The following GBX2 variants were observed in gnomAD, a reference collection of about 807,000 sequenced individuals.
GBX2 encodes the protein gastrulation brain homeobox 2, also known as homeobox protein GBX-2.
Under a neutral mutation model 22.4 loss-of-function variants are expected in GBX2, and 5 were observed. The ratio of observed to expected loss-of-function variants is 0.22; its 90% CI spans 0.12 to 0.47. The LOEUF is 0.47. Ranked by LOEUF, GBX2 falls within the 20% of genes least tolerant of loss-of-function variation. GBX2 has a pLI of 0.99. For missense variants in GBX2, 470 were observed against 495.4 expected (o/e 0.95, Z 0.49); for synonymous variants, 220 against 230.5 (o/e 0.95, Z 0.41).
rs186032626 is a variant in GBX2, at chr2:236,166,845, G to A, written c.524-408C>T. Among the ~76,000 whole-genome samples the A allele has an allele frequency of 3.3e-5, 5 of 152,284 alleles. No homozygotes were observed. The highest frequency in any genetic ancestry group is 1.2e-4 in the African/African-American group (5 of 41,570). The stretch of plus-strand genomic sequence containing the variant: ...TTCATCCTCCCCCCACCGCCACCAT[G>A]AAAATGTAGTGAACCTCAATTGCTT... On this transcript the variant is annotated intron_variant, in intron 1 of 1. Transcript: ENST00000306318. The surrounding 1 kb of genome is among the most constrained non-coding windows in gnomAD (Gnocchi z 6.6).
rs551829622 is a variant in GBX2 at position 236,165,728 on chromosome 2, G to A, written c.*186C>T. On this transcript the variant is annotated 3_prime_UTR_variant, in exon 2 of 2. Coordinates refer to ENST00000306318, the MANE Select transcript of GBX2 (RefSeq NM_001485.4). ...TAATAAATATTTAGCGTGTCTTCTG[G>A]TGTGGCTGTAAGCCCCTTCAAAAGC... 13 of 590,690 alleles carry A rather than the reference G, an allele frequency of 2.2e-5. No homozygotes were observed. The highest frequency in any genetic ancestry group is 3.3e-5 in the Non-Finnish European group (11 of 332,138). The allele number at this position is 590,690 out of a possible 1,614,324, so 36.6% of individuals were successfully genotyped here.
At chr2:236,167,308 C>T (rs1247039691) in intron 1 of GBX2, 141 bp downstream of exon 1, 3 of 1,377,990 alleles carry the variant, frequency 2.2e-6, no homozygotes. Flanking sequence ...GCGGCACAGC[C>T]GGGCCTCATC....
downstream of GBX2, among the ~76,000 whole-genome samples, chr2:236,163,167 G>A (rs371979099): frequency 2.5e-4 from 38 of 152,286 alleles, no homozygotes; most frequent in African/African-American, 8.9e-4. Context: ...TGATGACAGC[G>A]GCCATCAAGC....
chr2:236,166,728 CAGG>C lies in GBX2; in HGVS notation c.524-294_524-292del, dbSNP rs138684452. ...CGCACCCTCCCAGCCTCGGCAGCGT[CAGG>C]AGAAGTAGCAGGAGGCGCGAGGCCC... On this transcript the variant is annotated intron_variant, in intron 1 of 1. Coordinates refer to ENST00000306318, the MANE Select transcript of GBX2 (RefSeq NM_001485.4). The surrounding 1 kb of genome is among the most constrained non-coding windows in gnomAD (Gnocchi z 6.6). Among the ~76,000 whole-genome samples the C allele has an allele frequency of 0.02, 3,065 of 152,218 alleles. 79 individuals carry two copies. Among genetic ancestry groups the C allele is most frequent in the Middle Eastern group, 0.065 (19 of 294 alleles).
downstream of GBX2, among the ~76,000 whole-genome samples, chr2:236,164,409 G>A (rs1656449088): frequency 6.6e-6 from 1 of 152,150 alleles, no homozygotes; most frequent in South Asian, 2.1e-4. Flanking sequence ...GCAGTATCTG[G>A]CGGCGCGCTT....
At chr2:236,164,903 G>A (rs1369622417), downstream of GBX2, among the ~76,000 whole-genome samples, 1 of 152,206 alleles carries the variant, frequency 6.6e-6, no homozygotes, top group African/African-American at 2.4e-5. Context: ...TTTGTGCAAA[G>A]CCACCAATAC....
In GBX2 at chr2:236,167,306, G is replaced by A. The variant is rs1559318413; in HGVS notation, c.523+143C>T. On this transcript the variant is annotated intron_variant, in intron 1 of 1. Coordinates refer to ENST00000306318, the MANE Select transcript of GBX2 (RefSeq NM_001485.4). ...TGTCCCCCGGAGGCCCAGCGGCACA[G>A]CCGGGCCTCATCCTCCAGCTCCTCC... is the stretch of plus-strand genomic sequence containing the variant. 8.6e-6 allele frequency: 12 copies of A among 1,390,764 alleles called. No homozygotes were observed. In the East Asian group the frequency reaches 3.0e-4, roughly 35 times the overall value. 86.2% of individuals were successfully genotyped at this position (1,390,764 alleles called of 1,614,324 possible).
In GBX2 at chr2:236,168,168, C is replaced by T; in HGVS notation, c.-197G>A. 2.3e-6 allele frequency: 1 copy of T among 441,146 alleles called. No individual in the cohort carries two copies. The highest frequency in any genetic ancestry group is 3.5e-6 in the Non-Finnish European group (1 of 283,164). The allele number at this position is 441,146 out of a possible 1,614,324, so 27.3% of individuals were successfully genotyped here. On this transcript the variant is annotated 5_prime_UTR_variant, in exon 1 of 2. Coordinates refer to ENST00000306318, the MANE Select transcript of GBX2 (RefSeq NM_001485.4). ...GTGCAGGGGGTGTGCGGGGTGAGGC[C>T]GTGCGCCCCGGAGTGGAGAGGGCGC...
Position 236,165,939 on chromosome 2 carries a change from T to C in GBX2, c.1022A>G (p.Gln341Arg). The C allele has an allele frequency of 6.2e-7, 1 of 1,614,022 alleles. No individual in the cohort carries two copies. The highest frequency in any genetic ancestry group is 1.1e-5 in the South Asian group (1 of 91,080). Residue 341 changes from glutamine (Q) to arginine (R), a missense_variant, in exon 2 of 2, where the codon CAG becomes CGG. By Grantham distance (43) the Gln-to-Arg change is conservative. Coordinates refer to ENST00000306318, the MANE Select transcript of GBX2 (RefSeq NM_001485.4). ...VSRFAIRSQH[Q>R]QLEQARP ...TCAGGGCCGGGCCTGTTCTAGCTGC[T>C]GATGCTGACTTCTGATAGCGAACCT...
downstream of GBX2, among the ~76,000 whole-genome samples, chr2:236,164,553 G>T (rs1326242391): frequency 6.6e-6 from 1 of 152,076 alleles, no homozygotes; most frequent in African/African-American, 2.4e-5. Flanking sequence ...CCGACTCCCA[G>T]CTCCCCTGCG....
Position 236,166,128 on chromosome 2 carries a change from G to A in GBX2, c.833C>T (p.Ser278Leu), listed in dbSNP as rs2060237751. ...GAGTTTGAGGGCGTGGGCGATCTGC[G>A]AGCGCTCGGTCAAGGAGAGGTACTT... Reference protein sequence around the residue: ...CKKYLSLTERSQIAHALKLSE... With the variant: ...CKKYLSLTERLQIAHALKLSE... Residue 278 changes from serine to leucine, a missense_variant, in exon 2 of 2, where the codon TCG becomes TTG. This residue lies in a region of GBX2 where 40 missense variants were observed against 55.1 expected (regional missense o/e 0.73). Transcript: ENST00000306318. This position sits in a 1 kb window ranked among gnomAD's most constrained non-coding sequence, Gnocchi z 6.6. The A allele has an allele frequency of 6.2e-7, 1 of 1,614,208 alleles. No homozygotes were observed. Among genetic ancestry groups the A allele is most frequent in the Non-Finnish European group, 8.5e-7 (1 of 1,180,034 alleles).
rs202201792 is a variant in GBX2 at position 236,168,286 on chromosome 2, G to GCCGT, written c.-319_-316dup. 1.1e-4 allele frequency: 16 copies of GCCGT among 146,582 alleles called. No individual in the cohort carries two copies. The South Asian group carries it at 3.3e-3, about 30-fold the overall frequency. The allele number at this position is 146,582 out of a possible 1,614,324, so 9.1% of individuals were successfully genotyped here. On this transcript the variant is annotated 5_prime_UTR_variant, in exon 1 of 2. Transcript: ENST00000306318. The stretch of plus-strand genomic sequence containing the variant: ...GTTTGGCCCTCGGCCCCGGTAAGCT[G>GCCGT]CCGTCCGTCCGTCCGTCCCGCCGTC...
At chr2:236,164,608 G>A (rs1392744584), downstream of GBX2, among the ~76,000 whole-genome samples, 1 of 152,126 alleles carries the variant, frequency 6.6e-6, no homozygotes, top group Non-Finnish European at 1.5e-5. Context: ...CTACCGGGGC[G>A]TCCTTGGGGT....
In GBX2 at chr2:236,166,486, T is replaced by G; in HGVS notation, c.524-49A>C. On this transcript the variant is annotated intron_variant, in intron 1 of 1. Coordinates refer to ENST00000306318, the MANE Select transcript of GBX2 (RefSeq NM_001485.4). This position sits in a 1 kb window ranked among gnomAD's most constrained non-coding sequence, Gnocchi z 6.6. ...TTTATTACATTTCGCACACTGGCCT[T>G]CCTTTCTCCTTCCCACCGTCATTTG... is the stretch of plus-strand genomic sequence containing the variant. 1 of 1,536,462 alleles carries G rather than the reference T, an allele frequency of 6.5e-7. No homozygotes were observed. Among genetic ancestry groups the G allele is most frequent in the Non-Finnish European group, 8.9e-7 (1 of 1,127,224 alleles).
In GBX2 at chr2:236,168,040, C is replaced by T. The variant is rs923451903; in HGVS notation, c.-69G>A. On this transcript the variant is annotated 5_prime_UTR_variant, in exon 1 of 2. Coordinates refer to ENST00000306318, the MANE Select transcript of GBX2 (RefSeq NM_001485.4). Reference sequence around the variant, plus strand: ...GCCGCGCCGCCGCCGGGAAGCCCGCCGGACGCCGGGAGCACCGCCGGGAGC... The same window carrying T: ...GCCGCGCCGCCGCCGGGAAGCCCGCTGGACGCCGGGAGCACCGCCGGGAGC... 6.7e-6 allele frequency: 9 copies of T among 1,352,612 alleles called. No individual in the cohort carries two copies. The highest frequency in any genetic ancestry group is 3.6e-5 in the South Asian group (2 of 55,840). The allele number at this position is 1,352,612 out of a possible 1,614,324, so 83.8% of individuals were successfully genotyped here.
downstream of GBX2, among the ~76,000 whole-genome samples, chr2:236,162,167 C>T (rs1309888013): frequency 2.0e-5 from 3 of 152,190 alleles, no homozygotes; most frequent in Admixed American, 6.5e-5. Flanking sequence ...CAGGTACCAG[C>T]GATGTGCCCA....
Position 236,165,966 on chromosome 2 carries a change from C to T in GBX2, c.995G>A (p.Ser332Asn). 2.5e-6 allele frequency: 4 copies of T among 1,614,154 alleles called. No individual in the cohort carries two copies. The highest frequency in any genetic ancestry group is 2.5e-6 in the Non-Finnish European group (3 of 1,180,016). The change falls in exon 2 of 2, where the codon AGC (serine) becomes AAC (asparagine). Residue 332 changes from serine to asparagine, a missense_variant. Physicochemically the swap from Ser to Asn is conservative, Grantham distance 46. Transcript: ENST00000306318. The stretch of plus-strand genomic sequence containing the variant: ...ATGCTGACTTCTGATAGCGAACCTG[C>T]TGACGTGGACAGGGATGGGGACGAC... ...KIVVPIPVHV[S>N]RFAIRSQHQQ...
At position 236,166,471 on chromosome 2, in the gene GBX2, T is replaced by C. The variant is rs1304801514; in HGVS notation, c.524-34A>G. 6.3e-7 allele frequency: 1 copy of C among 1,586,306 alleles called. No homozygotes were observed. The highest frequency in any genetic ancestry group is 2.3e-5 in the East Asian group (1 of 44,436). ...AAAACCAAACGGCATTTTATTACATTTCGCACACTGGCCTTCCTTTCTCCT... is the reference window on the plus strand; with the variant it reads ...AAAACCAAACGGCATTTTATTACATCTCGCACACTGGCCTTCCTTTCTCCT... On this transcript the variant is annotated intron_variant, in intron 1 of 1. Coordinates refer to ENST00000306318, the MANE Select transcript of GBX2 (RefSeq NM_001485.4). This position sits in a 1 kb window ranked among gnomAD's most constrained non-coding sequence, Gnocchi z 6.6.
At position 236,167,396 on chromosome 2, in the gene GBX2, C is replaced by A. The variant is rs922153319; in HGVS notation, c.523+53G>T. On this transcript the variant is annotated intron_variant, in intron 1 of 1. Coordinates refer to ENST00000306318, the MANE Select transcript of GBX2 (RefSeq NM_001485.4). ...CTCCCGCGGGAACCCGGCGCTGGCC[C>A]GCCCCCGCCTCCTCCCGCCCCCTCG... 1.8e-5 allele frequency: 26 copies of A among 1,414,940 alleles called. No individual in the cohort carries two copies. In the East Asian group the frequency reaches 6.8e-4, roughly 37 times the overall value. 87.6% of individuals were successfully genotyped at this position (1,414,940 alleles called of 1,614,324 possible).
Sources: gnomAD v4.1 joint callset for allele counts (sites outside exome capture counted in the v4.1 genomes callset) on GRCh38, gnomAD v4.1.1 for gene constraint, gnomAD v4.1.1 regional missense constraint, Gnocchi (gnomAD v3.1) non-coding constraint, MANE v1.5 for transcripts, NCBI Gene and HGNC (gene_info 2026-07-23, HGNC 2026-07-21) for gene names.